The following PLEKHG6 variants were observed in gnomAD, a reference collection of about 807,000 sequenced individuals.
PLEKHG6 encodes pleckstrin homology domain-containing family G member 6.
A neutral mutation model predicts 97.5 loss-of-function variants in PLEKHG6; 91 were observed. The ratio of observed to expected loss-of-function variants is 0.93; its 90% CI spans 0.79 to 1.11. The LOEUF (loss-of-function observed/expected upper bound fraction) is 1.11, where lower values mean the gene tolerates loss of function less well. PLEKHG6 is among the 50% of genes most tolerant of loss of function. PLEKHG6 has a pLI of 0.00. For missense variants in PLEKHG6, 1,044 were observed against 1,031.0 expected (o/e 1.01, Z -0.17); for synonymous variants, 466 against 425.5 (o/e 1.10, Z -1.17).
Position 6,312,889 on chromosome 12 carries a change from T to TGGAAG in PLEKHG6, c.138+525_138+526insGGAAG. 2.9e-6 allele frequency: 4 copies of TGGAAG among 1,361,298 alleles called. No individual in the cohort carries two copies. The South Asian group carries it at 6.5e-5, about 22-fold the overall frequency. 84.3% of individuals were successfully genotyped at this position (1,361,298 alleles called of 1,614,324 possible). A position where few individuals can be genotyped will look rare whatever the true frequency, so the allele number is the denominator to read the frequency against. ...CAGAGGGGTGTGGAAGCCAGGTCTG[T>TGGAAG]CCCTCAGCCTGCAGGTTTCCCCTCC... On this transcript the variant is annotated intron_variant, in intron 2 of 15. Coordinates refer to ENST00000684764, the MANE Select transcript of PLEKHG6 (RefSeq NM_001384598.1).
At chr12:6,317,800 T>C in intron 9 of PLEKHG6, 57 bp from the exon 10 acceptor site, 1 of 1,545,584 alleles carries the variant, frequency 6.5e-7, no homozygotes, top group Non-Finnish European at 8.7e-7. Context: ...GTGGCTGGCA[T>C]TGGTTGGGAG....
At chr12:6,319,335 T>C in intron 13 of PLEKHG6, 1 of 617,950 alleles carries the variant, frequency 1.6e-6, no homozygotes. Context: ...GTAGTCCCCA[T>C]TACTTGGGAG....
At position 6,323,943 on chromosome 12, in the gene PLEKHG6, G is replaced by A. The variant is rs188117713; in HGVS notation, c.1525-2485G>A. On this transcript the variant is annotated intron_variant, in intron 13 of 15. Transcript: ENST00000684764. ...ACGTTTCAGAGTTCGGTTTTAGTCC[G>A]GCACTGGGGAGTTCTGGGAGGAGAG... Among the ~76,000 whole-genome samples, 17 of 152,200 alleles carry A rather than the reference G, an allele frequency of 1.1e-4. No homozygotes were observed. In the East Asian group the frequency reaches 2.5e-3, roughly 22 times the overall value.
At chr12:6,313,234 G>A in intron 2 of PLEKHG6, 1 of 1,492,924 alleles carries the variant, frequency 6.7e-7, no homozygotes, top group South Asian at 1.2e-5. Context: ...CATAGACAAG[G>A]AGAGTTACGA....
At chr12:6,319,665 C>A in intron 13 of PLEKHG6, 1 of 1,534,968 alleles carries the variant, frequency 6.5e-7, no homozygotes, top group Non-Finnish European at 8.7e-7. Flanking sequence ...GATACAGCAT[C>A]CCCTGAAGGT....
chr12:6,323,581 G>C (rs181231771), intron 13 of PLEKHG6, among the ~76,000 whole-genome samples: 2 of 152,340 alleles, frequency 1.3e-5, no homozygotes, highest in East Asian at 3.9e-4. Flanking sequence ...CTGAGAAGAG[G>C]AAAAGGAACA....
intron 3 of PLEKHG6, 143 bp from the exon 4 acceptor site, chr12:6,314,862 C>A: frequency 1.4e-6 from 1 of 737,232 alleles, no homozygotes; most frequent in South Asian, 1.8e-5. Context: ...CACTCATACT[C>A]AGTGCTGCTT....
intron 13 of PLEKHG6, among the ~76,000 whole-genome samples, chr12:6,325,939 C>T (rs1471297297): frequency 1.3e-5 from 2 of 152,154 alleles, no homozygotes; most frequent in Non-Finnish European, 1.5e-5. Context: ...AGTTACTTAA[C>T]CTTAGAGTCT....
At chr12:6,313,309 G>A in intron 2 of PLEKHG6, 3 of 954,828 alleles carry the variant, frequency 3.1e-6, no homozygotes, top group Non-Finnish European at 3.3e-6. Context: ...AGAGCAGGAG[G>A]CAGTGGGGGC....
chr12:6,311,483 A>G (rs900504183), intron 1 of PLEKHG6, among the ~76,000 whole-genome samples: 1 of 152,250 alleles, frequency 6.6e-6, no homozygotes, highest in South Asian at 2.1e-4. Context: ...TTCGCGGCCT[A>G]CACCGTCTGT....
At position 6,316,816 on chromosome 12, in the gene PLEKHG6, A is replaced by G. The variant is rs979483212; in HGVS notation, c.756+412A>G. ...GCCTAGGATCCGACTTTCTTCTACA[A>G]TGTTACCTAGCCAGGAAAATGTGGG... On this transcript the variant is annotated intron_variant, in intron 7 of 15. Transcript: ENST00000684764. This position sits in a 1 kb window ranked among gnomAD's most constrained non-coding sequence, Gnocchi z 4.1. Among the ~76,000 whole-genome samples, 2 of 152,140 alleles carry G rather than the reference A, an allele frequency of 1.3e-5. No homozygotes were observed. The highest frequency in any genetic ancestry group is 2.9e-5 in the Non-Finnish European group (2 of 68,034).
At position 6,320,309 on chromosome 12, in the gene PLEKHG6, G is replaced by C. The variant is rs538497420; in HGVS notation, c.1524+1201G>C. ...TCAAAAGAAGAGAGATGCAAATGGAGCTGTATTAGGTCCCACAAACTTGGT... is the reference window on the plus strand; with the variant it reads ...TCAAAAGAAGAGAGATGCAAATGGACCTGTATTAGGTCCCACAAACTTGGT... On this transcript the variant is annotated intron_variant, in intron 13 of 15. Transcript: ENST00000684764. Among the ~76,000 whole-genome samples the C allele has an allele frequency of 2.0e-5, 3 of 152,276 alleles. No individual in the cohort carries two copies. The South Asian group carries it at 6.2e-4, about 32-fold the overall frequency.
At chr12:6,323,425 AG>A (rs949715128) in intron 13 of PLEKHG6, among the ~76,000 whole-genome samples, 31 of 152,376 alleles carry the variant, frequency 2.0e-4, no homozygotes, top group African/African-American at 7.0e-4. Flanking sequence ...AGCAATCCCC[AG>A]GGGGCAGACT....
Position 6,316,267 on chromosome 12 carries a change from A to G in PLEKHG6, c.619A>G (p.Thr207Ala). The change falls in exon 7 of 16, where the codon ACC becomes GCC. Residue 207 changes from threonine to alanine, a missense_variant. By Grantham distance (58) the Thr-to-Ala change is moderately conservative. Coordinates refer to ENST00000684764, the MANE Select transcript of PLEKHG6 (RefSeq NM_001384598.1). This position sits in a 1 kb window ranked among gnomAD's most constrained non-coding sequence, Gnocchi z 4.1. ...VGLLMEVSAETLFGNVPSLIR... is the reference protein window; with the variant it reads ...VGLLMEVSAEALFGNVPSLIR... ...CTCCCTCCTCCAGGTGTCAGCTGAG[A>G]CCCTGTTTGGAAATGTCCCCAGCCT... The G allele has an allele frequency of 1.3e-6, 2 of 1,553,500 alleles. No homozygotes were observed. Among genetic ancestry groups the G allele is most frequent in the Admixed American group, 2.0e-5 (1 of 51,254 alleles).
intron 13 of PLEKHG6, among the ~76,000 whole-genome samples, chr12:6,325,447 A>T (rs1947830291): frequency 6.6e-6 from 1 of 152,100 alleles, no homozygotes; most frequent in African/African-American, 2.4e-5. Context: ...TGCTTTGAAA[A>T]TTTTTTCTCA....
chr12:6,314,961 G>C (rs1035646021), intron 3 of PLEKHG6, 44 bp from the exon 4 acceptor site: 3 of 1,589,124 alleles, frequency 1.9e-6, no homozygotes, highest in Non-Finnish European at 2.6e-6. Context: ...GTGGCTGGGT[G>C]CCAAGGATGT....
At chr12:6,317,203 G>T (rs1947497958) in intron 7 of PLEKHG6, 100 bp from the exon 8 acceptor site, 3 of 749,484 alleles carry the variant, frequency 4.0e-6, no homozygotes, top group Non-Finnish European at 7.0e-6. Flanking sequence ...AAGGGCCCCT[G>T]CGAGGCTCTC....
chr12:6,324,514 CCT>C (rs975944490), intron 13 of PLEKHG6, among the ~76,000 whole-genome samples: 33 of 152,098 alleles, frequency 2.2e-4, no homozygotes, highest in African/African-American at 8.0e-4. Flanking sequence ...GCGCCTCCAC[CCT>C]CTCTTTTCTC....
chr12:6,327,236 CTT>C lies in PLEKHG6; in HGVS notation c.1671-16_1671-15del, dbSNP rs1463559816. The C allele has an allele frequency of 7.9e-6, 12 of 1,516,194 alleles. No homozygotes were observed. Among genetic ancestry groups the C allele is most frequent in the East Asian group, 2.3e-5 (1 of 43,866 alleles). 93.9% of individuals were successfully genotyped at this position (1,516,194 alleles called of 1,614,324 possible). ...GAACTTGACCCCTACGCATCTGACT[CTT>C]TGCCATTAACTGTAGGACTCCTGAG... is the stretch of plus-strand genomic sequence containing the variant. On this transcript the variant is annotated splice_polypyrimidine_tract_variant and intron_variant, in intron 14 of 15. Transcript: ENST00000684764.
Sources: gnomAD v4.1 joint callset for allele counts (sites outside exome capture counted in the v4.1 genomes callset) on GRCh38, gnomAD v4.1.1 for gene constraint, Gnocchi (gnomAD v3.1) non-coding constraint, MANE v1.5 for transcripts, NCBI Gene and HGNC (gene_info 2026-07-23, HGNC 2026-07-21) for gene names.